Variants in CDH6 observed in about 807,000 individuals in gnomAD.
The protein encoded by CDH6 is cadherin 6.
CDH6 carries 31 observed loss-of-function variants against 78.0 expected under a neutral mutation model. The ratio of observed to expected loss-of-function variants is 0.40; its 90% CI spans 0.30 to 0.54. The LOEUF (loss-of-function observed/expected upper bound fraction) is 0.54. CDH6 is among the 20% of genes least tolerant of loss of function. The probability of loss-of-function intolerance (pLI) is 0.56; values close to 1 mark genes in which losing one functional copy is unlikely to be tolerated. For missense variants in CDH6, 724 were observed against 975.9 expected (o/e 0.74, Z 3.44); for synonymous variants, 376 against 368.8 (o/e 1.02, Z -0.23).
chr5:31,241,284 TAC>T (rs1392017124), intron 1 of CDH6, among the ~76,000 whole-genome samples: 3 of 151,328 alleles, frequency 2.0e-5, no homozygotes, highest in African/African-American at 7.2e-5. Context: ...TGCCTGACTG[TAC>T]AGTTTCCTAA....
In CDH6 at chr5:31,272,133, C is replaced by T. The variant is rs149584910; in HGVS notation, c.228+4432C>T. On this transcript the variant is annotated intron_variant, in intron 2 of 11. Transcript: ENST00000265071. ...TAGGTGTTTGAACCCCATCTAAAGACAGAGCCGGTGTTAGCTTATACTGCA... is the reference window on the plus strand; with the variant it reads ...TAGGTGTTTGAACCCCATCTAAAGATAGAGCCGGTGTTAGCTTATACTGCA... 3.4e-3 allele frequency among the ~76,000 whole-genome samples: 512 copies of T among 152,250 alleles called. 4 individuals are homozygous for T. The highest frequency in any genetic ancestry group is 0.011 in the African/African-American group (476 of 41,554).
chr5:31,295,781 T>C (rs1737573119), intron 3 of CDH6, among the ~76,000 whole-genome samples: 1 of 152,170 alleles, frequency 6.6e-6, no homozygotes, highest in Admixed American at 6.5e-5. Context: ...TCTAGTTTTG[T>C]ATCTTGAAAA....
intron 2 of CDH6, among the ~76,000 whole-genome samples, chr5:31,283,219 T>A (rs1251818489): frequency 1.3e-5 from 2 of 152,140 alleles, no homozygotes; most frequent in East Asian, 3.8e-4. Flanking sequence ...CCCCAAACAG[T>A]TACCTAGCCC....
chr5:31,292,852 CATATATATATATATATATATAT>C (rs1737444819), intron 2 of CDH6, among the ~76,000 whole-genome samples: 1 of 8,800 alleles, frequency 1.1e-4, no homozygotes, highest in Non-Finnish European at 5.5e-4. Flanking sequence ...TATATGTGTG[CATATATATATATATATATATAT>C]GTATGTGTTT....
At chr5:31,272,961 A>C (rs975490192) in intron 2 of CDH6, among the ~76,000 whole-genome samples, 1 of 152,194 alleles carries the variant, frequency 6.6e-6, no homozygotes, top group Non-Finnish European at 1.5e-5. Flanking sequence ...CTTAATGTAC[A>C]GGCTTTCCCA....
At chr5:31,202,971 A>G (rs536503572) in intron 1 of CDH6, among the ~76,000 whole-genome samples, 6 of 152,080 alleles carry the variant, frequency 3.9e-5, no homozygotes, top group African/African-American at 7.2e-5. Flanking sequence ...CTAATTACCA[A>G]TGCAAAATGA....
intron 1 of CDH6, among the ~76,000 whole-genome samples, chr5:31,204,052 T>C (rs1740445385): frequency 6.6e-6 from 1 of 152,182 alleles, no homozygotes. Flanking sequence ...GCCATAACTT[T>C]TGCATTCATA....
At chr5:31,250,984 T>C (rs557842545) in intron 1 of CDH6, 1 of 152,472 alleles carries the variant, frequency 6.6e-6, no homozygotes, top group South Asian at 2.1e-4. Flanking sequence ...AATTTGATGC[T>C]CTGCCTGATG....
chr5:31,252,228 A>C (rs1365475419), intron 1 of CDH6, among the ~76,000 whole-genome samples: 1 of 152,180 alleles, frequency 6.6e-6, no homozygotes, highest in African/African-American at 2.4e-5. Context: ...TACAGTCATA[A>C]GAAAGAAATT....
intron 1 of CDH6, among the ~76,000 whole-genome samples, chr5:31,262,208 A>G (rs1468570146): frequency 6.6e-6 from 1 of 152,220 alleles, no homozygotes; most frequent in Non-Finnish European, 1.5e-5. Flanking sequence ...GGACTTGACC[A>G]TGCACTCTTG....
chr5:31,238,932 T>C (rs1210550836), intron 1 of CDH6, among the ~76,000 whole-genome samples: 1 of 152,236 alleles, frequency 6.6e-6, no homozygotes, highest in Non-Finnish European at 1.5e-5. Context: ...TCTCTATATA[T>C]GTTTAGGAAA....
chr5:31,288,983 A>T (rs775044148), intron 2 of CDH6, among the ~76,000 whole-genome samples: 1 of 151,744 alleles, frequency 6.6e-6, no homozygotes, highest in Non-Finnish European at 1.5e-5. Flanking sequence ...CTTTTATTTA[A>T]TTTTTATTTT....
chr5:31,328,265 C>T lies in CDH6; in HGVS notation c.*4957C>T. 1 of 192,734 alleles carries T rather than the reference C, an allele frequency of 5.2e-6. No individual in the cohort carries two copies. The highest frequency in any genetic ancestry group is 6.2e-5 in the Admixed American group (1 of 16,048). The allele number at this position is 192,734 out of a possible 1,614,324, so 11.9% of individuals were successfully genotyped here. A position where few individuals can be genotyped will look rare whatever the true frequency, so the allele number is the denominator to read the frequency against. ...GTTAATCTGACAAACGAGGCATGGA[C>T]CCAGCCTTGTGGAAAAAGCATTCCA... On this transcript the variant is annotated 3_prime_UTR_variant, in exon 12 of 12. Transcript: ENST00000265071.
At chr5:31,271,522 T>C (rs1440860309) in intron 2 of CDH6, among the ~76,000 whole-genome samples, 1 of 152,150 alleles carries the variant, frequency 6.6e-6, no homozygotes, top group East Asian at 1.9e-4. Context: ...ATAGCTGAAA[T>C]ATTGACAAAC....
chr5:31,208,093 G>A (rs1740586785), intron 1 of CDH6, among the ~76,000 whole-genome samples: 1 of 152,206 alleles, frequency 6.6e-6, no homozygotes, highest in South Asian at 2.1e-4. Flanking sequence ...AGGTAGCAGT[G>A]CATCAAGTGT....
intron 1 of CDH6, among the ~76,000 whole-genome samples, chr5:31,238,145 A>C (rs1184404496): frequency 6.6e-6 from 1 of 152,224 alleles, no homozygotes; most frequent in Non-Finnish European, 1.5e-5. Flanking sequence ...CACAAGTAAC[A>C]AATTGATTTT....
Position 31,294,743 on chromosome 5 carries a change from T to C in CDH6, c.523+487T>C, listed in dbSNP as rs916253051. Among the ~76,000 whole-genome samples the C allele has an allele frequency of 1.4e-4, 21 of 152,210 alleles. No individual in the cohort carries two copies. The highest frequency in any genetic ancestry group is 4.8e-4 in the African/African-American group (20 of 41,460). ...AGAACTTTTTTTAATCCATAAACAA[T>C]AGGCACGTTATGTCTAGGGAGTGGA... On this transcript the variant is annotated intron_variant, in intron 3 of 11. Transcript: ENST00000265071. The surrounding 1 kb of genome is among the most constrained non-coding windows in gnomAD (Gnocchi z 4.1).
chr5:31,200,147 G>C (rs75615040), intron 1 of CDH6, among the ~76,000 whole-genome samples: 2,082 of 152,274 alleles, frequency 0.014, 60 homozygotes, highest in African/African-American at 0.048. Flanking sequence ...TCATCTGCAA[G>C]CATGTGTCAG....
rs2149947951 is a variant in CDH6, at chr5:31,294,599, T to C, written c.523+343T>C. 6.6e-6 allele frequency among the ~76,000 whole-genome samples: 1 copy of C among 152,256 alleles called. No homozygotes were observed. The highest frequency in any genetic ancestry group is 6.5e-5 in the Admixed American group (1 of 15,292). On this transcript the variant is annotated intron_variant, in intron 3 of 11. Coordinates refer to ENST00000265071, the MANE Select transcript of CDH6 (RefSeq NM_004932.4). The surrounding 1 kb of genome is among the most constrained non-coding windows in gnomAD (Gnocchi z 4.1). ...CACTTCTCTTAGCCTATGTGGGTGT[T>C]AGGGTCCAAGTAACAATCTCCCAAA... is the stretch of plus-strand genomic sequence containing the variant.
Sources: gnomAD v4.1 joint callset for allele counts (sites outside exome capture counted in the v4.1 genomes callset) on GRCh38, gnomAD v4.1.1 for gene constraint, Gnocchi (gnomAD v3.1) non-coding constraint, MANE v1.5 for transcripts, NCBI Gene and HGNC (gene_info 2026-07-23, HGNC 2026-07-21) for gene names.